CAMKMT: variants seen among roughly 807,000 people sequenced by gnomAD.
The protein encoded by CAMKMT is calmodulin-lysine N-methyltransferase, also known as CaM KMT.
CAMKMT carries 53 observed loss-of-function variants against 48.0 expected under a neutral mutation model. The ratio of observed to expected loss-of-function variants is 1.10; its 90% CI spans 0.89 to 1.39. The LOEUF is 1.39. CAMKMT is among the 40% of genes most tolerant of loss of function. The pLI is 0.00. For synonymous variants in CAMKMT, 165 were observed against 152.3 expected (o/e 1.08, Z -0.61); for missense variants, 428 against 402.7 (o/e 1.06, Z -0.54).
chr2:44,573,991 TA>T (rs1254058859), intron 3 of CAMKMT, among the ~76,000 whole-genome samples: 3 of 152,226 alleles, frequency 2.0e-5, no homozygotes, highest in Non-Finnish European at 4.4e-5. Flanking sequence ...TTATTCTCTG[TA>T]AATTTTTTCT....
At chr2:44,558,408 C>T (rs956081496) in intron 3 of CAMKMT, among the ~76,000 whole-genome samples, 2 of 152,092 alleles carry the variant, frequency 1.3e-5, no homozygotes, top group Non-Finnish European at 2.9e-5. Flanking sequence ...GTTTAGACCT[C>T]GGGTGGACCA....
At chr2:44,507,810 T>G (rs1670337413) in intron 3 of CAMKMT, among the ~76,000 whole-genome samples, 1 of 152,140 alleles carries the variant, frequency 6.6e-6, no homozygotes, top group African/African-American at 2.4e-5. Context: ...GCTTCCTTCA[T>G]CAAGAAAGTC....
At chr2:44,410,577 C>G (rs1481770358) in intron 3 of CAMKMT, among the ~76,000 whole-genome samples, 1 of 151,884 alleles carries the variant, frequency 6.6e-6, no homozygotes, top group African/African-American at 2.4e-5. Context: ...CCCTGAAATT[C>G]CAAATCTATT....
chr2:44,454,137 A>G (rs919154376), intron 3 of CAMKMT, among the ~76,000 whole-genome samples: 1 of 152,162 alleles, frequency 6.6e-6, no homozygotes, highest in Admixed American at 6.6e-5. Flanking sequence ...TAAATAAAAC[A>G]TATATTTTTA....
intron 3 of CAMKMT, among the ~76,000 whole-genome samples, chr2:44,690,920 G>A (rs181259041): frequency 8.7e-4 from 133 of 152,016 alleles, no homozygotes; most frequent in African/African-American, 2.6e-3. Context: ...AGGTTGCAGC[G>A]AGCCGAGATC....
intron 3 of CAMKMT, among the ~76,000 whole-genome samples, chr2:44,429,429 C>T (rs769343325): frequency 6.6e-6 from 1 of 152,084 alleles, no homozygotes; most frequent in Non-Finnish European, 1.5e-5. Flanking sequence ...GGACCTGTAT[C>T]TCTTTGCTTC....
chr2:44,508,953 G>A (rs1369884756), intron 3 of CAMKMT, among the ~76,000 whole-genome samples: 3 of 151,944 alleles, frequency 2.0e-5, no homozygotes, highest in Admixed American at 6.6e-5. Flanking sequence ...AAAATTAGCC[G>A]GGTGTGGTGG....
At chr2:44,453,817 G>C (rs1297484260) in intron 3 of CAMKMT, among the ~76,000 whole-genome samples, 2 of 151,916 alleles carry the variant, frequency 1.3e-5, no homozygotes, top group African/African-American at 2.4e-5. Context: ...TTTCTTTCCT[G>C]CCATGGGTGA....
intron 3 of CAMKMT, among the ~76,000 whole-genome samples, chr2:44,490,967 T>G (rs1669470664): frequency 6.6e-6 from 1 of 151,828 alleles, no homozygotes; most frequent in South Asian, 2.1e-4. Context: ...TTGGGCAAAA[T>G]GATGAAACCT....
At chr2:44,747,091 A>G (rs138647108) in intron 8 of CAMKMT, among the ~76,000 whole-genome samples, 1 of 152,330 alleles carries the variant, frequency 6.6e-6, no homozygotes, top group Non-Finnish European at 1.5e-5. Context: ...ATGCAGGACA[A>G]TCAGCACATC....
chr2:44,588,033 G>A (rs1180744779), intron 3 of CAMKMT, among the ~76,000 whole-genome samples: 7 of 141,788 alleles, frequency 4.9e-5, no homozygotes, highest in Non-Finnish European at 6.2e-5. Flanking sequence ...AGGAAGCGAG[G>A]AGCGCCTCTT....
In CAMKMT at chr2:44,748,809, G is replaced by A. The variant is rs192799638; in HGVS notation, c.698+5113G>A. Among the ~76,000 whole-genome samples, 20 of 152,234 alleles carry A rather than the reference G, an allele frequency of 1.3e-4. No individual in the cohort carries two copies. The East Asian group carries it at 3.3e-3, about 25-fold the overall frequency. On this transcript the variant is annotated intron_variant, in intron 8 of 10. Transcript: ENST00000378494. ...GGAGAATGGCATGAACCCGGGAGGC[G>A]GAGCTTGCAGTGAGCCAAGATCGCT...
chr2:44,570,996 A>G (rs984017585), intron 3 of CAMKMT, among the ~76,000 whole-genome samples: 1 of 152,214 alleles, frequency 6.6e-6, no homozygotes, highest in Admixed American at 6.5e-5. Context: ...AACCCAAACC[A>G]CAAGAAACAT....
Position 44,478,991 on chromosome 2 carries a change from G to T in CAMKMT, c.376+88686G>T, listed in dbSNP as rs1035629308. On this transcript the variant is annotated intron_variant, in intron 3 of 10. Transcript: ENST00000378494. Reference sequence around the variant, plus strand: ...TGGGATTACAGGCGTGAGCCACCGCGCCCGGCAATTGCTTTTCTTTTCTAA... The same window carrying T: ...TGGGATTACAGGCGTGAGCCACCGCTCCCGGCAATTGCTTTTCTTTTCTAA... Among the ~76,000 whole-genome samples, 5 of 152,118 alleles carry T rather than the reference G, an allele frequency of 3.3e-5. 1 individual carries two copies. The highest frequency in any genetic ancestry group is 3.3e-4 in the Admixed American group (5 of 15,284).
Position 44,739,350 on chromosome 2 carries a change from C to T in CAMKMT, c.624-4272C>T, listed in dbSNP as rs565318748. ...TATTTCAAAGGTAGAATGACCTGCA[C>T]TTGTGGCATATTCAATGTGGACTGT... On this transcript the variant is annotated intron_variant, in intron 7 of 10. Transcript: ENST00000378494. Among the ~76,000 whole-genome samples the T allele has an allele frequency of 2.0e-5, 3 of 152,264 alleles. No homozygotes were observed. The South Asian group carries it at 6.2e-4, about 32-fold the overall frequency.
intron 3 of CAMKMT, among the ~76,000 whole-genome samples, chr2:44,627,819 C>A (rs941776579): frequency 6.8e-6 from 1 of 147,558 alleles, no homozygotes. Context: ...CATTCCTCAG[C>A]CTCCCGAGTA....
chr2:44,769,702 A>G (rs1021705608), intron 10 of CAMKMT, among the ~76,000 whole-genome samples: 4 of 151,516 alleles, frequency 2.6e-5, no homozygotes, highest in Non-Finnish European at 5.9e-5. Flanking sequence ...ATTTTTCTGT[A>G]TTTTTGTACA....
rs1413362756 is a variant in CAMKMT, at chr2:44,657,289, TGTTGCACAA to T, written c.377-46990_377-46982del. Among the ~76,000 whole-genome samples, 1 of 152,060 alleles carries T rather than the reference TGTTGCACAA, an allele frequency of 6.6e-6. No individual in the cohort carries two copies. Among genetic ancestry groups the T allele is most frequent in the Non-Finnish European group, 1.5e-5 (1 of 67,992 alleles). On this transcript the variant is annotated intron_variant, in intron 3 of 10. Transcript: ENST00000378494. The surrounding 1 kb of genome is among the most constrained non-coding windows in gnomAD (Gnocchi z 4.3). ...AAGAACTAAAGAAATGCCAGAAGAGTGTTGCACAAGTTAATTGATTTTCAGTGGTTACAT... is the reference window on the plus strand; with the variant it reads ...AAGAACTAAAGAAATGCCAGAAGAGTGTTAATTGATTTTCAGTGGTTACAT...
At chr2:44,541,988 C>A (rs550520356) in intron 3 of CAMKMT, among the ~76,000 whole-genome samples, 5 of 151,986 alleles carry the variant, frequency 3.3e-5, no homozygotes, top group African/African-American at 1.2e-4. Context: ...TTAAACCGGG[C>A]ATGGTGGCAC....
Sources: gnomAD v4.1 joint callset for allele counts (sites outside exome capture counted in the v4.1 genomes callset) on GRCh38, gnomAD v4.1.1 for gene constraint, Gnocchi (gnomAD v3.1) non-coding constraint, MANE v1.5 for transcripts, NCBI Gene and HGNC (gene_info 2026-07-23, HGNC 2026-07-21) for gene names.